Variants in CRYBA4 observed in about 807,000 individuals in gnomAD.
CRYBA4 encodes the protein crystallin beta A4.
In CRYBA4, 30 loss-of-function variants were observed where a neutral mutation model predicts 31.7. The ratio of observed to expected loss-of-function variants is 0.95; its 90% CI spans 0.71 to 1.28. The LOEUF (loss-of-function observed/expected upper bound fraction) is 1.28. Among genes scored for constraint, CRYBA4 ranks in the 50% most tolerant of loss-of-function variants. The pLI is 0.00. For synonymous variants in CRYBA4, 102 were observed against 102.3 expected, an observed-to-expected ratio of 1.00 and a Z score of 0.02; for missense variants, 225 against 260.7, an observed-to-expected ratio of 0.86 and a Z score of 0.94.
chr22:26,622,912 C>G (rs1321845247), intron 2 of CRYBA4, among the ~76,000 whole-genome samples: 1 of 152,170 alleles, frequency 6.6e-6, no homozygotes, highest in Non-Finnish European at 1.5e-5. Context: ...TTTTATAAAG[C>G]TTTTGGATTT....
the CRYBA4 span, among the ~76,000 whole-genome samples, chr22:26,613,825 G>T: frequency 6.6e-6 from 1 of 152,184 alleles, no homozygotes; most frequent in Non-Finnish European, 1.5e-5. Flanking sequence ...GCAGAACAGA[G>T]CCATATTTCT....
At chr22:26,621,766 G>A (rs560854791), upstream of CRYBA4, among the ~76,000 whole-genome samples, 6 of 152,266 alleles carry the variant, frequency 3.9e-5, no homozygotes, top group South Asian at 2.1e-4. Context: ...CTCCTTCTTC[G>A]TGGCTGATCC....
chr22:26,629,366 T>G (rs1329899350), intron 5 of CRYBA4, among the ~76,000 whole-genome samples: 1 of 152,028 alleles, frequency 6.6e-6, no homozygotes, highest in Non-Finnish European at 1.5e-5. Context: ...CTTGTGATTC[T>G]TGAGTTCACT....
intron 4 of CRYBA4, among the ~76,000 whole-genome samples, chr22:26,627,649 T>TC (rs2145983512): frequency 6.7e-6 from 1 of 148,988 alleles, no homozygotes; most frequent in South Asian, 2.1e-4. Flanking sequence ...TCTCTCTCTT[T>TC]CTTTCTTTCT....
the CRYBA4 span, among the ~76,000 whole-genome samples, chr22:26,599,116 G>T: frequency 6.6e-6 from 1 of 152,164 alleles, no homozygotes; most frequent in Admixed American, 6.5e-5. Context: ...CCTGCTGCAC[G>T]AATGCCCTGG....
the CRYBA4 span, among the ~76,000 whole-genome samples, chr22:26,592,074 A>G: frequency 1.3e-5 from 2 of 152,190 alleles, no homozygotes; most frequent in African/African-American, 2.4e-5. Flanking sequence ...AGCTGCCTCC[A>G]TGGAGCCAGC....
intron 3 of CRYBA4, among the ~76,000 whole-genome samples, chr22:26,624,259 TG>T (rs1309939956): frequency 1.7e-4 from 26 of 151,438 alleles, no homozygotes; most frequent in Admixed American, 1.3e-3. Context: ...GCTACCATAC[TG>T]GATAAAAGTT....
At chr22:26,627,218 C>A (rs976668084) in intron 4 of CRYBA4, among the ~76,000 whole-genome samples, 1 of 152,078 alleles carries the variant, frequency 6.6e-6, no homozygotes, top group Non-Finnish European at 1.5e-5. Context: ...GCTCAGAAAT[C>A]CTGTCTAACC....
Position 26,625,548 on chromosome 22 carries a change from A to G in CRYBA4, c.226A>G (p.Ser76Gly), listed in dbSNP as rs1378772045. 7.4e-6 allele frequency: 12 copies of G among 1,613,906 alleles called. No homozygotes were observed. In the Admixed American group the frequency reaches 2.0e-4, roughly 27 times the overall value. The change falls in exon 4 of 6, where the codon AGC (serine) becomes GGC (glycine). Residue 76 changes from serine (S) to glycine (G), a missense_variant. Transcript: ENST00000354760. Reference protein sequence around the residue: ...QYILERGEYPSWDAWGGNTAY... With the variant: ...QYILERGEYPGWDAWGGNTAY... ...CATTCTGGAACGAGGCGAATATCCA[A>G]GCTGGGATGCCTGGGGCGGCAACAC...
chr22:26,625,013 C>T (rs888788467), intron 3 of CRYBA4, among the ~76,000 whole-genome samples: 3 of 152,238 alleles, frequency 2.0e-5, no homozygotes, highest in African/African-American at 7.2e-5. Context: ...GACTGCCCGT[C>T]TCCCACACCC....
At chr22:26,621,415 C>G (rs542299766), upstream of CRYBA4, among the ~76,000 whole-genome samples, 31 of 152,206 alleles carry the variant, frequency 2.0e-4, no homozygotes, top group Non-Finnish European at 3.5e-4. Flanking sequence ...TTCCATCTCA[C>G]TCTGTACATA....
At chr22:26,626,511 T>C (rs1929709688) in intron 4 of CRYBA4, among the ~76,000 whole-genome samples, 1 of 152,240 alleles carries the variant, frequency 6.6e-6, no homozygotes, top group Non-Finnish European at 1.5e-5. Context: ...AGTCACCATA[T>C]TTACCATCCA....
chr22:26,625,420 G>A (rs1186946595), intron 3 of CRYBA4, 61 bp from the exon 4 acceptor site: 1 of 1,592,480 alleles, frequency 6.3e-7, no homozygotes, highest in Non-Finnish European at 8.6e-7. Context: ...CCCAATTGCT[G>A]GTCTAGAATG....
chr22:26,601,387 C>T, the CRYBA4 span, among the ~76,000 whole-genome samples: 1 of 152,084 alleles, frequency 6.6e-6, no homozygotes, highest in African/African-American at 2.4e-5. Flanking sequence ...CATTGCCTAG[C>T]TGGCAAGACT....
the CRYBA4 span, among the ~76,000 whole-genome samples, chr22:26,600,464 A>G: frequency 6.6e-6 from 1 of 152,194 alleles, no homozygotes; most frequent in Non-Finnish European, 1.5e-5. Flanking sequence ...CTGGGAACAC[A>G]TACTCTGGTA....
At chr22:26,612,120 G>C in the CRYBA4 span, 5 of 1,613,768 alleles carry the variant, frequency 3.1e-6, no homozygotes, top group East Asian at 2.2e-5. Flanking sequence ...GCCACGGTCT[G>C]CCAGATTTGA....
the CRYBA4 span, among the ~76,000 whole-genome samples, chr22:26,605,982 A>T: frequency 6.6e-6 from 1 of 152,180 alleles, no homozygotes; most frequent in Non-Finnish European, 1.5e-5. Flanking sequence ...CCCAACACAA[A>T]TTTGTGAACT....
At chr22:26,612,276 G>A in the CRYBA4 span, 1 of 856,530 alleles carries the variant, frequency 1.2e-6, no homozygotes, top group South Asian at 1.4e-5. Flanking sequence ...AAAGCCAGCA[G>A]TGCAGGAGTC....
At chr22:26,627,853 C>T (rs1602342627) in intron 4 of CRYBA4, among the ~76,000 whole-genome samples, 1 of 151,942 alleles carries the variant, frequency 6.6e-6, no homozygotes, top group African/African-American at 2.4e-5. Context: ...TCACCATGTT[C>T]GTCGGGCTGG....
Sources: allele counts gnomAD v4.1 joint callset (sites outside exome capture counted in the v4.1 genomes callset), GRCh38; gene constraint gnomAD v4.1.1; transcripts MANE v1.5; gene names NCBI Gene and HGNC (gene_info 2026-07-23, HGNC 2026-07-21).